Variants in GPC6 observed in about 807,000 individuals in gnomAD.
GPC6 encodes the protein glypican-6.
In GPC6, 14 loss-of-function variants were observed where a neutral mutation model predicts 55.2. The observed-to-expected ratio is 0.25, with a 90% confidence interval of 0.17 to 0.40. The LOEUF (loss-of-function observed/expected upper bound fraction) is 0.40, where lower values mean the gene tolerates loss of function less well. GPC6 is among the 10% of genes least tolerant of loss of function. GPC6 has a pLI of 1.00. For missense variants in GPC6, 641 were observed against 708.5 expected (o/e 0.90, Z 1.08); for synonymous variants, 278 against 259.6 (o/e 1.07, Z -0.68).
intron 4 of GPC6, among the ~76,000 whole-genome samples, chr13:94,152,905 C>G (rs947160928): frequency 1.1e-4 from 16 of 152,092 alleles, no homozygotes; most frequent in African/African-American, 3.6e-4. Context: ...GAGATGTAAT[C>G]CCCACCTTCA....
At chr13:93,594,318 C>T (rs966559819) in intron 2 of GPC6, among the ~76,000 whole-genome samples, 2 of 151,954 alleles carry the variant, frequency 1.3e-5, no homozygotes, top group African/African-American at 4.8e-5. Flanking sequence ...CTTCCTCCTC[C>T]CACCCTTTAT....
intron 5 of GPC6, among the ~76,000 whole-genome samples, chr13:94,288,604 T>G (rs1285675377): frequency 6.7e-6 from 1 of 150,074 alleles, no homozygotes; most frequent in Non-Finnish European, 1.5e-5. Flanking sequence ...CTCAGCTCCT[T>G]GAGTATACTT....
At chr13:93,343,254 C>G (rs533650408) in intron 1 of GPC6, among the ~76,000 whole-genome samples, 4 of 151,680 alleles carry the variant, frequency 2.6e-5, no homozygotes, top group South Asian at 4.2e-4. Flanking sequence ...GGCTGGCAAA[C>G]TCAAGGAGAT....
chr13:93,973,982 C>G (rs1028387837), intron 3 of GPC6, among the ~76,000 whole-genome samples: 1 of 152,226 alleles, frequency 6.6e-6, no homozygotes, highest in Non-Finnish European at 1.5e-5. Flanking sequence ...TTTTAGGCGT[C>G]TAGGTCAGGT....
chr13:93,547,294 C>T (rs1044647831), intron 2 of GPC6, among the ~76,000 whole-genome samples: 35 of 152,174 alleles, frequency 2.3e-4, no homozygotes, highest in African/African-American at 7.7e-4. Flanking sequence ...TGCAGTGAGC[C>T]GAGATCGTGC....
At chr13:93,607,775 A>T (rs1878302483) in intron 2 of GPC6, among the ~76,000 whole-genome samples, 2 of 152,038 alleles carry the variant, frequency 1.3e-5, no homozygotes, top group Admixed American at 1.3e-4. Context: ...ACTTCTTCTA[A>T]ACCTCATTTC....
At chr13:93,474,743 T>C (rs946100701) in intron 1 of GPC6, among the ~76,000 whole-genome samples, 6 of 152,198 alleles carry the variant, frequency 3.9e-5, no homozygotes, top group African/African-American at 1.4e-4. Context: ...TCTGTCCGGG[T>C]TTTGTGGCTG....
At chr13:93,702,804 A>T (rs1043273529) in intron 2 of GPC6, among the ~76,000 whole-genome samples, 2 of 151,544 alleles carry the variant, frequency 1.3e-5, no homozygotes, top group Non-Finnish European at 2.9e-5. Flanking sequence ...TAACCTCCTC[A>T]CCTCTCTCAG....
intron 3 of GPC6, among the ~76,000 whole-genome samples, chr13:93,870,505 A>G (rs1448006169): frequency 6.6e-6 from 1 of 151,890 alleles, no homozygotes; most frequent in Non-Finnish European, 1.5e-5. Context: ...ATATTGCTGC[A>G]TAACCAGGTA....
intron 4 of GPC6, among the ~76,000 whole-genome samples, chr13:94,089,501 C>G (rs145168617): frequency 6.6e-6 from 1 of 152,134 alleles, no homozygotes; most frequent in Non-Finnish European, 1.5e-5. Flanking sequence ...AAAGCAGGGG[C>G]TCTTCTGAGA....
At chr13:94,182,803 G>A (rs1328574952) in intron 4 of GPC6, among the ~76,000 whole-genome samples, 1 of 151,846 alleles carries the variant, frequency 6.6e-6, no homozygotes, top group Non-Finnish European at 1.5e-5. Flanking sequence ...TTTGAGACAG[G>A]GTCTCACTCT....
rs182126925 is a variant in GPC6, at chr13:93,574,365, G to A, written c.319+28944G>A. On this transcript the variant is annotated intron_variant, in intron 2 of 8. Transcript: ENST00000377047. ...CGACAGAGGAAGAGATTGGTGTATC[G>A]TGTCTACAAGCCAAGATTGAGAAGG... Among the ~76,000 whole-genome samples the A allele has an allele frequency of 2.7e-3, 411 of 152,172 alleles. 1 individual carries two copies. The highest frequency in any genetic ancestry group is 4.2e-3 in the Non-Finnish European group (287 of 68,008).
At chr13:93,547,647 T>A (rs1429018540) in intron 2 of GPC6, among the ~76,000 whole-genome samples, 1 of 152,084 alleles carries the variant, frequency 6.6e-6, no homozygotes. Context: ...CAACCACTCA[T>A]CTTATTGCAG....
At chr13:93,693,434 GATATATGTGTGTGTGTGTATGT>G (rs1882329100) in intron 2 of GPC6, among the ~76,000 whole-genome samples, 1 of 70,882 alleles carries the variant, frequency 1.4e-5, no homozygotes, top group South Asian at 4.6e-4. Context: ...TATATATGGA[GATATATGTGTGTGTGTGTATGT>G]ATATCTGTGT....
At position 93,952,781 on chromosome 13, in the gene GPC6, G is replaced by T. The variant is rs9524282; in HGVS notation, c.712-74948G>T. Among the ~76,000 whole-genome samples the T allele has an allele frequency of 2.3e-3, 348 of 148,226 alleles. 2 individuals are homozygous for T. Among genetic ancestry groups the T allele is most frequent in the Admixed American group, 5.8e-3 (85 of 14,712 alleles). ...ACGTGTGTGTGTGAGATGTGGGTGT[G>T]TATATATGTGTATTGAGATATAGGT... is the stretch of plus-strand genomic sequence containing the variant. On this transcript the variant is annotated intron_variant, in intron 3 of 8. Transcript: ENST00000377047.
chr13:93,248,622 TA>T (rs1876685407), intron 1 of GPC6, among the ~76,000 whole-genome samples: 1 of 152,158 alleles, frequency 6.6e-6, no homozygotes, highest in Non-Finnish European at 1.5e-5. Flanking sequence ...TCCTAAGCCA[TA>T]AGCCTGAAGG....
At chr13:94,309,307 G>A (rs889855777) in intron 6 of GPC6, among the ~76,000 whole-genome samples, 2 of 152,038 alleles carry the variant, frequency 1.3e-5, no homozygotes, top group African/African-American at 4.8e-5. Context: ...ATTAGTACCT[G>A]TGGTAATAAC....
At chr13:93,913,879 G>A (rs1468507751) in intron 3 of GPC6, among the ~76,000 whole-genome samples, 2 of 152,146 alleles carry the variant, frequency 1.3e-5, no homozygotes, top group East Asian at 1.9e-4. Flanking sequence ...CAAAAACTTA[G>A]TTGGCTGCTG....
chr13:93,919,646 A>T (rs1877470420), intron 3 of GPC6, among the ~76,000 whole-genome samples: 1 of 152,210 alleles, frequency 6.6e-6, no homozygotes, highest in South Asian at 2.1e-4. Flanking sequence ...GAGTTTAGAA[A>T]TGATACCAAA....
Sources: allele counts gnomAD v4.1 joint callset (sites outside exome capture counted in the v4.1 genomes callset), GRCh38; gene constraint gnomAD v4.1.1; transcripts MANE v1.5; gene names NCBI Gene and HGNC (gene_info 2026-07-23, HGNC 2026-07-21).